The following PCDHA1 variants were observed in gnomAD, a reference collection of about 807,000 sequenced individuals.
PCDHA1 encodes protocadherin alpha 1.
A neutral mutation model predicts 61.3 loss-of-function variants in PCDHA1; 42 were observed. That is an observed-to-expected ratio of 0.69 (90% confidence interval 0.54 to 0.89). PCDHA1 has a LOEUF of 0.89. Ranked by LOEUF, PCDHA1 falls within the 40% of genes least tolerant of loss-of-function variation. PCDHA1 has a pLI of 0.00. For missense variants in PCDHA1, 1,256 were observed against 1,235.3 expected, an observed-to-expected ratio of 1.02 and a Z score of -0.25; for synonymous variants, 610 against 553.8, an observed-to-expected ratio of 1.10 and a Z score of -1.43.
chr5:140,950,523 T>C (rs1289314937), intron 1 of PCDHA1, among the ~76,000 whole-genome samples: 2 of 152,094 alleles, frequency 1.3e-5, no homozygotes, highest in African/African-American at 4.8e-5. Flanking sequence ...TGCGATATGA[T>C]TGTTTTTGTT....
At chr5:140,967,198 C>T (rs2096112626) in intron 1 of PCDHA1, 9 of 1,613,662 alleles carry the variant, frequency 5.6e-6, no homozygotes, top group South Asian at 1.1e-5. Flanking sequence ...TCAACGACAA[C>T]TCACCGCGTT....
At chr5:140,861,430 A>C in intron 1 of PCDHA1, 1 of 488,226 alleles carries the variant, frequency 2.0e-6, no homozygotes, top group Admixed American at 2.1e-5. Context: ...TTTCAGTTGG[A>C]TTCCAAAAGC....
intron 3 of PCDHA1, among the ~76,000 whole-genome samples, chr5:140,987,811 C>CT (rs1444999429): frequency 6.6e-6 from 1 of 152,100 alleles, no homozygotes; most frequent in East Asian, 1.9e-4. Flanking sequence ...GTGCCTGTCT[C>CT]TTTGTTTCCT....
chr5:140,995,993 A>G (rs1017469411), intron 3 of PCDHA1, among the ~76,000 whole-genome samples: 16 of 152,226 alleles, frequency 1.1e-4, no homozygotes, highest in Non-Finnish European at 1.8e-4. Context: ...GCCACTCAAA[A>G]ATGTCGTCAG....
chr5:140,841,903 C>T lies in PCDHA1; in HGVS notation c.2394+53219C>T, dbSNP rs1318755251. ...ACGATGAGAATAAACTGGTTGAGCT[C>T]GTATTAAGAAAATCCTTGGACAGAG... On this transcript the variant is annotated intron_variant, in intron 1 of 3. Transcript: ENST00000504120. 1.4e-5 allele frequency: 22 copies of T among 1,613,682 alleles called. 1 individual carries two copies. Among genetic ancestry groups the T allele is most frequent in the Non-Finnish European group, 1.9e-5 (22 of 1,179,842 alleles).
chr5:140,941,284 TTCTC>T (rs1234192371), intron 1 of PCDHA1, among the ~76,000 whole-genome samples: 2 of 124,572 alleles, frequency 1.6e-5, no homozygotes, highest in African/African-American at 2.8e-5. Flanking sequence ...CTTCCTTCCT[TTCTC>T]TTTCTTTCTT....
chr5:140,992,363 G>T (rs1028043863), intron 3 of PCDHA1, among the ~76,000 whole-genome samples: 2 of 152,136 alleles, frequency 1.3e-5, no homozygotes, highest in Non-Finnish European at 2.9e-5. Context: ...GAGAAAAATG[G>T]TTCCCATTAC....
Position 140,786,870 on chromosome 5 carries a change from C to T in PCDHA1, c.580C>T (p.Leu194Phe), listed in dbSNP as rs1233544308. The T allele has an allele frequency of 3.1e-6, 5 of 1,614,012 alleles. No homozygotes were observed. Among genetic ancestry groups the T allele is most frequent in the Non-Finnish European group, 4.2e-6 (5 of 1,180,014 alleles). ...TGATGAACTGAGTAAATCTCTTTGG[C>T]TTGAATTGAGAAAATATTTGGATAG... is the stretch of plus-strand genomic sequence containing the variant. ...ASDELSKSLW[L>F]ELRKYLDREE... Residue 194 changes from leucine to phenylalanine, a missense_variant, in exon 1 of 4, where the codon CTT becomes TTT. Leu to Phe is a conservative substitution (Grantham distance 22, BLOSUM62 0). Coordinates refer to ENST00000504120, the MANE Select transcript of PCDHA1 (RefSeq NM_018900.4).
At chr5:140,830,407 T>G in intron 1 of PCDHA1, 24 of 1,614,170 alleles carry the variant, frequency 1.5e-5, no homozygotes, top group Non-Finnish European at 2.0e-5. Context: ...TCATGGCCTT[T>G]AGCCCCAGCC....
intron 1 of PCDHA1, among the ~76,000 whole-genome samples, chr5:140,909,749 C>T (rs141984152): frequency 6.6e-6 from 1 of 152,114 alleles, no homozygotes; most frequent in African/African-American, 2.4e-5. Context: ...GGGGAAATGA[C>T]CACAGGATGA....
chr5:140,808,549 G>T (rs782013709), intron 1 of PCDHA1: 1 of 1,614,016 alleles, frequency 6.2e-7, no homozygotes, highest in African/African-American at 1.3e-5. Flanking sequence ...ACGCTCCGGC[G>T]TTCGCGCAGC....
chr5:140,915,132 AGAGAC>A (rs1406752818), intron 1 of PCDHA1, among the ~76,000 whole-genome samples: 1 of 151,994 alleles, frequency 6.6e-6, no homozygotes, highest in Non-Finnish European at 1.5e-5. Flanking sequence ...TATTTTTAGT[AGAGAC>A]GGGGTTTCAC....
chr5:140,854,990 G>A (rs2043295354), intron 1 of PCDHA1, among the ~76,000 whole-genome samples: 1 of 149,498 alleles, frequency 6.7e-6, no homozygotes, highest in African/African-American at 2.5e-5. Context: ...GATTCTTTTT[G>A]CCCGTGTAAG....
At chr5:140,844,931 A>G (rs1262967576) in intron 1 of PCDHA1, among the ~76,000 whole-genome samples, 1 of 149,362 alleles carries the variant, frequency 6.7e-6, no homozygotes, top group Non-Finnish European at 1.5e-5. Flanking sequence ...GAAGGGAATG[A>G]ACGATTTCTG....
At chr5:140,858,992 T>C (rs1452375472) in intron 1 of PCDHA1, 1 of 151,532 alleles carries the variant, frequency 6.6e-6, no homozygotes, top group African/African-American at 2.4e-5. Context: ...AGTTCATTGG[T>C]AAAAATTTCT....
intron 1 of PCDHA1, among the ~76,000 whole-genome samples, chr5:140,937,400 T>A (rs1210509586): frequency 6.6e-6 from 1 of 152,224 alleles, no homozygotes; most frequent in Non-Finnish European, 1.5e-5. Flanking sequence ...ATAGGGGTAT[T>A]GCACAACTTT....
rs781982422 is a variant in PCDHA1 at position 140,871,325 on chromosome 5, C to T, written c.2394+82641C>T. 4 of 1,613,988 alleles carry T rather than the reference C, an allele frequency of 2.5e-6. No individual in the cohort carries two copies. Among genetic ancestry groups the T allele is most frequent in the Non-Finnish European group, 3.4e-6 (4 of 1,180,038 alleles). On this transcript the variant is annotated intron_variant, in intron 1 of 3. Coordinates refer to ENST00000504120, the MANE Select transcript of PCDHA1 (RefSeq NM_018900.4). ...CCGGGGAAGCCCACGCTGGTGTGCTCCCGCGCGGTGGGGAGCTGGTCATAC... is the reference window on the plus strand; with the variant it reads ...CCGGGGAAGCCCACGCTGGTGTGCTTCCGCGCGGTGGGGAGCTGGTCATAC...
chr5:140,836,420 G>T, intron 1 of PCDHA1: 1 of 1,613,810 alleles, frequency 6.2e-7, no homozygotes. Flanking sequence ...CAAAGGCGTC[G>T]TCGCGGGCAT....
In PCDHA1 at chr5:140,829,763, G is replaced by C. The variant is rs2150174106; in HGVS notation, c.2394+41079G>C. On this transcript the variant is annotated intron_variant, in intron 1 of 3. Coordinates refer to ENST00000504120, the MANE Select transcript of PCDHA1 (RefSeq NM_018900.4). ...GACGCTGCAGGTGTTCGTGCTGGAC[G>C]AGAACGACAACGCGCCGGCGCTGCT... The C allele has an allele frequency of 5.8e-5, 94 of 1,613,770 alleles. No homozygotes were observed. In the East Asian group the frequency reaches 2.1e-3, roughly 36 times the overall value.
Sources: gnomAD v4.1 joint callset for allele counts (sites outside exome capture counted in the v4.1 genomes callset) on GRCh38, gnomAD v4.1.1 for gene constraint, MANE v1.5 for transcripts, NCBI Gene and HGNC (gene_info 2026-07-23, HGNC 2026-07-21) for gene names.